Variants in FAM135B observed in about 807,000 individuals in gnomAD.
The protein encoded by FAM135B is protein FAM135B.
A neutral mutation model predicts 127.7 loss-of-function variants in FAM135B; 43 were observed. The observed-to-expected ratio is 0.34, with a 90% CI of 0.26 to 0.43. The LOEUF (loss-of-function observed/expected upper bound fraction) is 0.43. Among genes scored for constraint, FAM135B ranks in the 20% least tolerant of loss-of-function variants. FAM135B has a pLI of 1.00. For missense variants in FAM135B, 1,558 were observed against 1,725.6 expected (o/e 0.90, Z 1.72); for synonymous variants, 670 against 665.1 (o/e 1.01, Z -0.11).
Position 138,378,404 on chromosome 8 carries a change from T to G in FAM135B, c.-19-10402A>C, listed in dbSNP as rs537554836. Among the ~76,000 whole-genome samples, 3 of 152,312 alleles carry G rather than the reference T, an allele frequency of 2.0e-5. No homozygotes were observed. In the East Asian group the frequency reaches 5.8e-4, roughly 29 times the overall value. On this transcript the variant is annotated intron_variant, in intron 1 of 19. Coordinates refer to ENST00000395297, the MANE Select transcript of FAM135B (RefSeq NM_015912.4). ...AATTTAATCTCTCTGTGCCTCAGTTTCCCCAACTGCAAGTTGCTTTGGAGT... is the reference window on the plus strand; with the variant it reads ...AATTTAATCTCTCTGTGCCTCAGTTGCCCCAACTGCAAGTTGCTTTGGAGT...
intron 10 of FAM135B, among the ~76,000 whole-genome samples, chr8:138,177,633 C>T (rs1316194664): frequency 6.6e-6 from 1 of 152,170 alleles, no homozygotes; most frequent in Non-Finnish European, 1.5e-5. Flanking sequence ...GGTTTATGAA[C>T]ACACGTGAAT....
chr8:138,472,534 G>A (rs1458820429), intron 1 of FAM135B, among the ~76,000 whole-genome samples: 3 of 152,154 alleles, frequency 2.0e-5, no homozygotes, highest in African/African-American at 4.8e-5. Flanking sequence ...CTGAGCACAC[G>A]TGGTGGGAGG....
At chr8:138,149,988 A>C (rs1817992128) in intron 13 of FAM135B, among the ~76,000 whole-genome samples, 1 of 152,220 alleles carries the variant, frequency 6.6e-6, no homozygotes, top group Non-Finnish European at 1.5e-5. Flanking sequence ...ATAGGTAGTT[A>C]ACATTCTTTA....
At chr8:138,289,870 G>A (rs1824973390) in intron 3 of FAM135B, among the ~76,000 whole-genome samples, 1 of 152,132 alleles carries the variant, frequency 6.6e-6, no homozygotes, top group Admixed American at 6.5e-5. Context: ...TGATTAAGGT[G>A]CATCCAATAC....
chr8:138,367,764 G>A, intron 2 of FAM135B, 143 bp downstream of exon 2: 1 of 657,040 alleles, frequency 1.5e-6, no homozygotes, highest in Non-Finnish European at 2.6e-6. Flanking sequence ...TTTTGACTTG[G>A]CAAGAAAACA....
intron 3 of FAM135B, among the ~76,000 whole-genome samples, chr8:138,278,299 C>T (rs1823987663): frequency 6.6e-6 from 1 of 151,556 alleles, no homozygotes; most frequent in South Asian, 2.1e-4. Context: ...CTCTTTTGAC[C>T]CCTTGTGTCT....
chr8:138,460,247 G>A (rs1318566278), intron 1 of FAM135B, among the ~76,000 whole-genome samples: 2 of 152,172 alleles, frequency 1.3e-5, no homozygotes, highest in East Asian at 3.9e-4. Flanking sequence ...AATTTGCTTA[G>A]AGGCACATGG....
intron 1 of FAM135B, among the ~76,000 whole-genome samples, chr8:138,380,933 C>T (rs1831812108): frequency 6.6e-6 from 1 of 151,842 alleles, no homozygotes; most frequent in African/African-American, 2.4e-5. Context: ...TCACAGAGCT[C>T]AGGCCCTCAT....
At chr8:138,407,243 C>A (rs905609935) in intron 1 of FAM135B, among the ~76,000 whole-genome samples, 26 of 150,592 alleles carry the variant, frequency 1.7e-4, no homozygotes, top group African/African-American at 6.1e-4. Context: ...AACCACTGCT[C>A]AATGAAATAA....
intron 1 of FAM135B, among the ~76,000 whole-genome samples, chr8:138,472,888 C>T: frequency 6.6e-6 from 1 of 152,112 alleles, no homozygotes. Context: ...CGCCTGATGT[C>T]TCCCCTCAAG....
chr8:138,352,270 T>C (rs1343340342), intron 2 of FAM135B, among the ~76,000 whole-genome samples: 1 of 152,222 alleles, frequency 6.6e-6, no homozygotes. Flanking sequence ...GCTTTAAATA[T>C]CAAATCTGAA....
chr8:138,211,243 C>G (rs959099577), intron 7 of FAM135B, among the ~76,000 whole-genome samples: 1 of 152,146 alleles, frequency 6.6e-6, no homozygotes, highest in African/African-American at 2.4e-5. Flanking sequence ...TAAATAACTA[C>G]AGCAATCATA....
At chr8:138,247,559 G>A (rs1821384276) in intron 6 of FAM135B, among the ~76,000 whole-genome samples, 1 of 152,220 alleles carries the variant, frequency 6.6e-6, no homozygotes. Context: ...GTGGAACTGT[G>A]AGTCAGTTAA....
intron 3 of FAM135B, among the ~76,000 whole-genome samples, chr8:138,293,490 G>A (rs917787171): frequency 6.6e-6 from 1 of 152,066 alleles, no homozygotes; most frequent in Non-Finnish European, 1.5e-5. Context: ...GAAAACATTT[G>A]CAAACTCTGC....
At position 138,316,848 on chromosome 8, in the gene FAM135B, T is replaced by C. The variant is rs576643113; in HGVS notation, c.78-5928A>G. On this transcript the variant is annotated intron_variant, in intron 2 of 19. Coordinates refer to ENST00000395297, the MANE Select transcript of FAM135B (RefSeq NM_015912.4). ...AGAAAAAGTAAGCCGGGCGTGGTGG[T>C]GGGCGCCTGTAGTCCCAGCTACTCA... 1.8e-3 allele frequency among the ~76,000 whole-genome samples: 273 copies of C among 150,992 alleles called. 6 individuals carry two copies. Among genetic ancestry groups the C allele is most frequent in the Admixed American group, 0.012 (176 of 15,190 alleles).
At chr8:138,443,994 T>A (rs1835958414) in intron 1 of FAM135B, among the ~76,000 whole-genome samples, 1 of 151,962 alleles carries the variant, frequency 6.6e-6, no homozygotes, top group African/African-American at 2.4e-5. Context: ...AGGGCAGGGG[T>A]TGCAATCCTA....
At chr8:138,253,772 T>C (rs1821878788) in intron 5 of FAM135B, among the ~76,000 whole-genome samples, 1 of 152,214 alleles carries the variant, frequency 6.6e-6, no homozygotes, top group South Asian at 2.1e-4. Context: ...GAGGCTCTGC[T>C]TCTCCATTTT....
At chr8:138,363,356 C>T (rs1002502443) in intron 2 of FAM135B, among the ~76,000 whole-genome samples, 1 of 152,136 alleles carries the variant, frequency 6.6e-6, no homozygotes, top group Non-Finnish European at 1.5e-5. Flanking sequence ...TTGTCACCAC[C>T]ATTTTACAGG....
chr8:138,226,114 G>A (rs376787185), intron 7 of FAM135B, among the ~76,000 whole-genome samples: 2 of 149,582 alleles, frequency 1.3e-5, no homozygotes, highest in African/African-American at 5.0e-5. Flanking sequence ...AAAGTACCTT[G>A]AAGTTCTAAA....
Sources: gnomAD v4.1 joint callset for allele counts (sites outside exome capture counted in the v4.1 genomes callset) on GRCh38, gnomAD v4.1.1 for gene constraint, MANE v1.5 for transcripts, NCBI Gene and HGNC (gene_info 2026-07-23, HGNC 2026-07-21) for gene names.